PSD3: variants seen among roughly 807,000 people sequenced by gnomAD.
PSD3 encodes PH and SEC7 domain-containing protein 3.
PSD3 carries 49 observed loss-of-function variants against 105.5 expected under a neutral mutation model. The observed-to-expected ratio is 0.46, with a 90% confidence interval of 0.37 to 0.59. PSD3 has a LOEUF of 0.59. Among genes scored for constraint, PSD3 ranks in the 20% least tolerant of loss-of-function variants. The pLI, the probability that PSD3 is intolerant of heterozygous loss-of-function variation, is 0.00. For missense variants in PSD3, 1,561 were observed against 1,263.8 expected, an observed-to-expected ratio of 1.24 and a Z score of -3.57; for synonymous variants, 557 against 457.8, an observed-to-expected ratio of 1.22 and a Z score of -2.77.
At chr8:18,989,136 G>T (rs1825659619) in intron 1 of PSD3, 1 of 152,228 alleles carries the variant, frequency 6.6e-6, no homozygotes, top group African/African-American at 2.4e-5. Flanking sequence ...GGCCATGAAT[G>T]TAAAAACACA....
intron 10 of PSD3, among the ~76,000 whole-genome samples, chr8:18,635,485 T>TA (rs1220703121): frequency 6.6e-6 from 1 of 152,170 alleles, no homozygotes. Flanking sequence ...GTCTAACACT[T>TA]ACCATACTAT....
At chr8:18,831,275 G>C (rs1022197798) in intron 4 of PSD3, among the ~76,000 whole-genome samples, 4 of 152,214 alleles carry the variant, frequency 2.6e-5, no homozygotes, top group African/African-American at 9.7e-5. Context: ...GCTCTAGAAT[G>C]GCTCTGAACT....
chr8:18,590,985 T>C (rs1803560164), intron 12 of PSD3, among the ~76,000 whole-genome samples: 1 of 152,212 alleles, frequency 6.6e-6, no homozygotes, highest in Non-Finnish European at 1.5e-5. Flanking sequence ...AGTCTCTTCC[T>C]GGGAGTGCTG....
intron 1 of PSD3, among the ~76,000 whole-genome samples, chr8:19,054,759 C>T (rs115447826): frequency 1.1e-4 from 16 of 152,268 alleles, no homozygotes; most frequent in South Asian, 4.1e-4. Flanking sequence ...ACAAATTTAT[C>T]GCTTGATAAC....
At chr8:19,043,395 G>A (rs889590763) in intron 1 of PSD3, among the ~76,000 whole-genome samples, 3 of 152,200 alleles carry the variant, frequency 2.0e-5, no homozygotes, top group Non-Finnish European at 4.4e-5. Context: ...ATGTGCTGCA[G>A]TTTCTGTACA....
intron 10 of PSD3, among the ~76,000 whole-genome samples, chr8:18,636,032 C>T (rs1449671663): frequency 6.6e-6 from 1 of 152,048 alleles, no homozygotes; most frequent in Admixed American, 6.6e-5. Flanking sequence ...AGGTTCTGCA[C>T]ATGTATCCCA....
At chr8:18,842,516 A>G (rs951563411) in intron 4 of PSD3, among the ~76,000 whole-genome samples, 12 of 152,088 alleles carry the variant, frequency 7.9e-5, no homozygotes, top group Non-Finnish European at 1.3e-4. Context: ...GGCGGATCAC[A>G]AGGTCAGGAG....
intron 1 of PSD3, among the ~76,000 whole-genome samples, chr8:18,972,061 T>C (rs1824684794): frequency 6.6e-6 from 1 of 152,096 alleles, no homozygotes; most frequent in South Asian, 2.1e-4. Context: ...ATGCCTATCA[T>C]CCTAAACAGA....
In PSD3 at chr8:18,807,056, T is replaced by C. The variant is rs1402926871; in HGVS notation, c.1635-2158A>G. Among the ~76,000 whole-genome samples, 3 of 152,250 alleles carry C rather than the reference T, an allele frequency of 2.0e-5. No homozygotes were observed. In the East Asian group the frequency reaches 5.8e-4, roughly 29 times the overall value. On this transcript the variant is annotated intron_variant, in intron 4 of 15. Transcript: ENST00000327040. ...TATTTCAATTATCTCAATGGTGTTA[T>C]GTTTTTAAAAATCTGAACCTAAAAA...
chr8:18,814,257 C>T (rs769049434), intron 4 of PSD3, among the ~76,000 whole-genome samples: 21 of 152,276 alleles, frequency 1.4e-4, no homozygotes, highest in South Asian at 2.1e-4. Context: ...CAGCCCCACC[C>T]GCCGCATACC....
intron 9 of PSD3, among the ~76,000 whole-genome samples, chr8:18,719,121 C>A (rs1802784588): frequency 6.6e-6 from 1 of 152,106 alleles, no homozygotes; most frequent in South Asian, 2.1e-4. Context: ...TTCGGATAGT[C>A]CCGCAGCCTG....
chr8:18,796,896 G>A (rs1473696873), intron 8 of PSD3, among the ~76,000 whole-genome samples: 2 of 152,108 alleles, frequency 1.3e-5, no homozygotes, highest in Admixed American at 6.6e-5. Context: ...TAAGGAGAAG[G>A]TGAAAAGGAG....
chr8:18,997,288 G>C (rs1191656581), intron 1 of PSD3, among the ~76,000 whole-genome samples: 1 of 151,760 alleles, frequency 6.6e-6, no homozygotes, highest in Non-Finnish European at 1.5e-5. Context: ...CTCAGTTAAT[G>C]CACCTCCATC....
At chr8:18,663,678 T>G (rs1809518970) in intron 9 of PSD3, among the ~76,000 whole-genome samples, 1 of 152,240 alleles carries the variant, frequency 6.6e-6, no homozygotes, top group East Asian at 1.9e-4. Context: ...TATGCTAGTA[T>G]GAATAACACT....
chr8:18,832,218 C>A (rs1002624014), intron 4 of PSD3, among the ~76,000 whole-genome samples: 1 of 152,122 alleles, frequency 6.6e-6, no homozygotes, highest in African/African-American at 2.4e-5. Flanking sequence ...ATCACTGCAA[C>A]CCTAAAGAGT....
chr8:18,544,774 C>A (rs921098083), intron 15 of PSD3, among the ~76,000 whole-genome samples: 7 of 152,138 alleles, frequency 4.6e-5, no homozygotes, highest in African/African-American at 1.7e-4. Context: ...GCATTCTGTT[C>A]CCACACCTCG....
chr8:18,911,268 G>T lies in PSD3; in HGVS notation c.130+24766C>A, dbSNP rs567258008. Among the ~76,000 whole-genome samples the T allele has an allele frequency of 2.0e-5, 3 of 152,294 alleles. No individual in the cohort carries two copies. The East Asian group carries it at 5.8e-4, about 29-fold the overall frequency. On this transcript the variant is annotated intron_variant, in intron 2 of 15. Coordinates refer to ENST00000327040, the MANE Select transcript of PSD3 (RefSeq NM_015310.4). ...CTGAAATAACAAAAATAAAGCCAGA[G>T]AAGTTAAATAATGTATTCAATACTA...
At chr8:18,779,803 T>C (rs1339305151) in intron 8 of PSD3, among the ~76,000 whole-genome samples, 1 of 152,226 alleles carries the variant, frequency 6.6e-6, no homozygotes, top group Non-Finnish European at 1.5e-5. Flanking sequence ...TACGTGATAT[T>C]ATTTCTATTT....
intron 1 of PSD3, among the ~76,000 whole-genome samples, chr8:19,076,415 A>G (rs539151363): frequency 2.5e-4 from 38 of 152,264 alleles, no homozygotes; most frequent in African/African-American, 8.9e-4. Context: ...AGAACAGAGG[A>G]AACCGAAAAA....
Sources: gnomAD v4.1 joint callset for allele counts (sites outside exome capture counted in the v4.1 genomes callset) on GRCh38, gnomAD v4.1.1 for gene constraint, MANE v1.5 for transcripts, NCBI Gene and HGNC (gene_info 2026-07-23, HGNC 2026-07-21) for gene names.